TLN1: variants seen among roughly 807,000 people sequenced by gnomAD.
TLN1 encodes the protein talin 1.
A neutral mutation model predicts 292.3 loss-of-function variants in TLN1; 56 were observed. The observed-to-expected ratio is 0.19, with a 90% confidence interval of 0.15 to 0.24. The LOEUF is 0.24. Among genes scored for constraint, TLN1 ranks in the 10% least tolerant of loss-of-function variants. The pLI is 1.00. For missense variants in TLN1, 2,433 were observed against 3,248.2 expected, an observed-to-expected ratio of 0.75 and a Z score of 6.10; for synonymous variants, 1,119 against 1,253.7, an observed-to-expected ratio of 0.89 and a Z score of 2.27.
rs1825754374 is a variant in TLN1, at chr9:35,715,101, A to G, written c.2712T>C (p.Ala904=). 6.2e-7 allele frequency: 1 copy of G among 1,613,304 alleles called. No individual in the cohort carries two copies. Residue 904 remains alanine (A), a synonymous_variant, in exon 21 of 57, where the codon GCT becomes GCC. Coordinates refer to ENST00000314888, the MANE Select transcript of TLN1 (RefSeq NM_006289.4). ...AEGLRMATNA[A]AQNAIKKKLV... is the part of the protein sequence containing the mutation. ...GCTTTTTCTTGATGGCATTCTGCGC[A>G]GCTGCATTGGTGGCCATGCGCAGCC...
intron 27 of TLN1, among the ~76,000 whole-genome samples, 187 bp downstream of exon 27, chr9:35,712,648 C>CAAA: frequency 1.4e-5 from 1 of 72,194 alleles, no homozygotes; most frequent in Non-Finnish European, 2.6e-5. Flanking sequence ...AACTCTGTCT[C>CAAA]AAAAAAAAAA....
chr9:35,724,807 T>C lies in TLN1; in HGVS notation c.358+23A>G. 6.2e-7 allele frequency: 1 copy of C among 1,614,022 alleles called. No homozygotes were observed. The highest frequency in any genetic ancestry group is 8.5e-7 in the Non-Finnish European group (1 of 1,179,902). On this transcript the variant is annotated intron_variant, in intron 4 of 56. Coordinates refer to ENST00000314888, the MANE Select transcript of TLN1 (RefSeq NM_006289.4). This position sits in a 1 kb window ranked among gnomAD's most constrained non-coding sequence, Gnocchi z 4.7. ...AGTTGAGGCTTTCTGGCCCAGGCTT[T>C]CAACTGTACTAGGGCCCCTTACCAA... is the stretch of plus-strand genomic sequence containing the variant.
rs1367441476 is a variant in TLN1 at position 35,716,262 on chromosome 9, GCTC to G, written c.2625+125_2625+127del. On this transcript the variant is annotated intron_variant, in intron 20 of 56. Coordinates refer to ENST00000314888, the MANE Select transcript of TLN1 (RefSeq NM_006289.4). ...CTTGGGGCTCATTCATTTCCTGAGT[GCTC>G]CTATATTTGTCCTCTTGTGTTTTCT... is the stretch of plus-strand genomic sequence containing the variant. 8 of 1,023,028 alleles carry G rather than the reference GCTC, an allele frequency of 7.8e-6. No homozygotes were observed. In the East Asian group the frequency reaches 2.1e-4, roughly 27 times the overall value. The allele number at this position is 1,023,028 out of a possible 1,614,324, so 63.4% of individuals were successfully genotyped here. A position where few individuals can be genotyped will look rare whatever the true frequency, so the allele number is the denominator to read the frequency against.
Position 35,717,662 on chromosome 9 carries a change from G to A in TLN1, c.2120C>T (p.Thr707Ile). 6.2e-7 allele frequency: 1 copy of A among 1,614,134 alleles called. No individual in the cohort carries two copies. Among genetic ancestry groups the A allele is most frequent in the Non-Finnish European group, 8.5e-7 (1 of 1,179,988 alleles). The change falls in exon 18 of 57, where the codon ACA becomes ATA. Residue 707 changes from threonine (T) to isoleucine (I), a missense_variant. Physicochemically the swap from Thr to Ile is moderately conservative, Grantham distance 89. This residue lies in a region of TLN1 where 617 missense variants were observed against 770.6 expected (regional missense o/e 0.80). Transcript: ENST00000314888. The surrounding 1 kb of genome is among the most constrained non-coding windows in gnomAD (Gnocchi z 4.7). ...GLQTQVIAAA[T>I]QCALSTSQLV... ...TTGGGAAGTGGATAGGGCACACTGT[G>A]TTGCTGCAGCAATAACTTGGGTCTG...
At chr9:35,720,707 C>T (rs769787133) in intron 11 of TLN1, 105 bp downstream of exon 11, 235 of 1,182,002 alleles carry the variant, frequency 2.0e-4, no homozygotes, top group Non-Finnish European at 2.6e-4. Context: ...CTCATTGCAA[C>T]CTCCGCCTCC....
rs773071664 is a variant in TLN1 at position 35,710,642 on chromosome 9, C to T, written c.4245G>A (p.Lys1415=). 3 of 1,614,120 alleles carry T rather than the reference C, an allele frequency of 1.9e-6. No individual in the cohort carries two copies. Among genetic ancestry groups the T allele is most frequent in the Non-Finnish European group, 2.5e-6 (3 of 1,180,056 alleles). The change falls in exon 33 of 57, where the codon AAG becomes AAA. Residue 1415 remains lysine (K), a synonymous_variant. Coordinates refer to ENST00000314888, the MANE Select transcript of TLN1 (RefSeq NM_006289.4). ...EAMTGISQNA[K]NGNLPEFGDA... ...CTCCAAACTCTGGCAGGTTTCCGTT[C>T]TTGGCATTTTGGGAGATGCCAGTCA...
chr9:35,706,624 C>T lies in TLN1; in HGVS notation c.5089-73G>A. On this transcript the variant is annotated intron_variant, in intron 38 of 56. Transcript: ENST00000314888. The surrounding 1 kb of genome is among the most constrained non-coding windows in gnomAD (Gnocchi z 4.2). Reference sequence around the variant, plus strand: ...CCTCTGGCTACAAAGAACTGCTCTTCTGTCCATACCAAATACCCTAACCCT... The same window carrying T: ...CCTCTGGCTACAAAGAACTGCTCTTTTGTCCATACCAAATACCCTAACCCT... 6.3e-7 allele frequency: 1 copy of T among 1,593,040 alleles called. No individual in the cohort carries two copies. The highest frequency in any genetic ancestry group is 1.7e-4 in the Middle Eastern group (1 of 6,006).
In TLN1 at chr9:35,700,001, G is replaced by A; in HGVS notation, c.6741C>T (p.Tyr2247=). 1 of 1,613,228 alleles carries A rather than the reference G, an allele frequency of 6.2e-7. No individual in the cohort carries two copies. Among genetic ancestry groups the A allele is most frequent in the Non-Finnish European group, 8.5e-7 (1 of 1,179,472 alleles). ...GCAGTACATGGTCCAGCAGTTCCAG[G>A]TAGCCATTGGCACACTCCCGGCCAT... ...LHYGRECANG[Y]LELLDHVLLT... Residue 2247 remains tyrosine, a synonymous_variant, in exon 50 of 57, where the codon TAC becomes TAT. Transcript: ENST00000314888.
At position 35,721,934 on chromosome 9, in the gene TLN1, T is replaced by A; in HGVS notation, c.949-131A>T. On this transcript the variant is annotated intron_variant, in intron 9 of 56. Transcript: ENST00000314888. ...CTAACGGACAAGGGAAAATGCAGGGTAGGGAGGGAAGTGGTGGTGTAGGGC... is the reference window on the plus strand; with the variant it reads ...CTAACGGACAAGGGAAAATGCAGGGAAGGGAGGGAAGTGGTGGTGTAGGGC... The A allele has an allele frequency of 2.3e-6, 3 of 1,305,766 alleles. 1 individual carries two copies. Among genetic ancestry groups the A allele is most frequent in the Non-Finnish European group, 3.3e-6 (3 of 920,774 alleles). 80.9% of individuals were successfully genotyped at this position (1,305,766 alleles called of 1,614,324 possible).
rs750058471 is a variant in TLN1 at position 35,698,548 on chromosome 9, G to C, written c.7189-43C>G. On this transcript the variant is annotated intron_variant, in intron 54 of 56. Transcript: ENST00000314888. This position sits in a 1 kb window ranked among gnomAD's most constrained non-coding sequence, Gnocchi z 5.3. ...TGCTTAAAAATATGCCCCTTGCCCT[G>C]GTCCATCCCCACTCCAGCCTTCTCA... The C allele has an allele frequency of 8.7e-6, 14 of 1,613,732 alleles. No individual in the cohort carries two copies. Among genetic ancestry groups the C allele is most frequent in the Non-Finnish European group, 1.2e-5 (14 of 1,179,964 alleles).
chr9:35,712,174 A>T, intron 27 of TLN1, 50 bp from the exon 28 acceptor site: 1 of 1,580,750 alleles, frequency 6.3e-7, no homozygotes, highest in Non-Finnish European at 8.6e-7. Flanking sequence ...AATTTGAGAG[A>T]TCGCCTCCAT....
At position 35,714,869 on chromosome 9, in the gene TLN1, G is replaced by A; in HGVS notation, c.2762C>T (p.Ala921Val). The change falls in exon 22 of 57, where the codon GCC becomes GTC. Residue 921 changes from alanine to valine, a missense_variant. Ala to Val is a moderately conservative substitution (Grantham distance 64). Around this residue, in one of 7 missense-constraint regions of TLN1, gnomAD observed 617 missense variants for 770.6 expected, o/e 0.80. Coordinates refer to ENST00000314888, the MANE Select transcript of TLN1 (RefSeq NM_006289.4). The surrounding 1 kb of genome is among the most constrained non-coding windows in gnomAD (Gnocchi z 4.6). ...KKLVQRLEHA[A>V]KQAAASATQT... Reference sequence around the variant, plus strand: ...TGTGGCTGAGGCTGCAGCCTGCTTGGCTGCATGCTGTGAAGACAAGAGTAG... The same window carrying A: ...TGTGGCTGAGGCTGCAGCCTGCTTGACTGCATGCTGTGAAGACAAGAGTAG... 6.4e-7 allele frequency: 1 copy of A among 1,573,576 alleles called. No homozygotes were observed. Among genetic ancestry groups the A allele is most frequent in the Non-Finnish European group, 8.6e-7 (1 of 1,159,480 alleles).
At chr9:35,711,486 G>C (rs549907747) in intron 29 of TLN1, 92 bp from the exon 30 acceptor site, 1 of 1,605,020 alleles carries the variant, frequency 6.2e-7, no homozygotes, top group Non-Finnish European at 8.5e-7. Flanking sequence ...AGTAGTGCTA[G>C]AGACTGGGGA....
Position 35,719,340 on chromosome 9 carries a change from G to A in TLN1, c.1688-58C>T. The A allele has an allele frequency of 6.5e-7, 1 of 1,548,388 alleles. No individual in the cohort carries two copies. ...GACAGGGCAGGCCAGACGAAGGGCTGGGGAGGGAGCAAAGTCACACCCAGT... is the reference window on the plus strand; with the variant it reads ...GACAGGGCAGGCCAGACGAAGGGCTAGGGAGGGAGCAAAGTCACACCCAGT... On this transcript the variant is annotated intron_variant, in intron 15 of 56. Coordinates refer to ENST00000314888, the MANE Select transcript of TLN1 (RefSeq NM_006289.4). The surrounding 1 kb of genome is among the most constrained non-coding windows in gnomAD (Gnocchi z 4.6).
In TLN1 at chr9:35,714,991, C is replaced by G; in HGVS notation, c.2754+68G>C. 1.2e-6 allele frequency: 2 copies of G among 1,611,624 alleles called. No homozygotes were observed. Among genetic ancestry groups the G allele is most frequent in the Non-Finnish European group, 1.7e-6 (2 of 1,179,962 alleles). On this transcript the variant is annotated intron_variant, in intron 21 of 56. Coordinates refer to ENST00000314888, the MANE Select transcript of TLN1 (RefSeq NM_006289.4). The surrounding 1 kb of genome is among the most constrained non-coding windows in gnomAD (Gnocchi z 4.6). ...ACGTATTAACTTACTCTCCGCACCT[C>G]CCTTTCAGTTCATTCCTCCCACAGC...
chr9:35,704,551 A>G lies in TLN1; in HGVS notation c.5881-53T>C. The G allele has an allele frequency of 2.5e-6, 4 of 1,582,526 alleles. No individual in the cohort carries two copies. The East Asian group carries it at 9.0e-5, about 36-fold the overall frequency. ...GTGGAAGGTGCCATGTGAAATGGAA[A>G]GGTTGCCCATGCCTGGGAGAAGTGA... On this transcript the variant is annotated intron_variant, in intron 44 of 56. Coordinates refer to ENST00000314888, the MANE Select transcript of TLN1 (RefSeq NM_006289.4). The surrounding 1 kb of genome is among the most constrained non-coding windows in gnomAD (Gnocchi z 6.9).
Position 35,719,242 on chromosome 9 carries a change from T to C in TLN1, c.1728A>G (p.Ala576=). Residue 576 remains alanine, a synonymous_variant, in exon 16 of 57, where the codon GCA becomes GCG. Coordinates refer to ENST00000314888, the MANE Select transcript of TLN1 (RefSeq NM_006289.4). The surrounding 1 kb of genome is among the most constrained non-coding windows in gnomAD (Gnocchi z 4.6). The stretch of plus-strand genomic sequence containing the variant: ...TCAGGTTGGAGGAGATTGTGGTGAC[T>C]GCACAGCCCACTGCGGTATAGTCTG... ...AETDYTAVGC[A]VTTISSNLTE... 6.2e-7 allele frequency: 1 copy of C among 1,614,150 alleles called. No homozygotes were observed. Among genetic ancestry groups the C allele is most frequent in the Non-Finnish European group, 8.5e-7 (1 of 1,180,004 alleles).
Position 35,719,911 on chromosome 9 carries a change from T to A in TLN1, c.1465-58A>T. ...ATGGATGTTTGGAGAAAAGAGAAGG[T>A]AAAAGAGAACCAGGGTCTAGGGAGA... On this transcript the variant is annotated intron_variant, in intron 13 of 56. Transcript: ENST00000314888. The surrounding 1 kb of genome is among the most constrained non-coding windows in gnomAD (Gnocchi z 4.6). The A allele has an allele frequency of 6.4e-7, 1 of 1,570,296 alleles. No individual in the cohort carries two copies. Among genetic ancestry groups the A allele is most frequent in the Non-Finnish European group, 8.7e-7 (1 of 1,154,772 alleles).
chr9:35,710,621 A>T lies in TLN1; in HGVS notation c.4266T>A (p.Phe1422Leu). 6.2e-7 allele frequency: 1 copy of T among 1,614,228 alleles called. No homozygotes were observed. ...TTGAGGCTGTGGAAATGGCATCTCC[A>T]AACTCTGGCAGGTTTCCGTTCTTGG... ...QNAKNGNLPE[F>L]GDAISTASKA... The change falls in exon 33 of 57, where the codon TTT (phenylalanine) becomes TTA (leucine). Residue 1422 changes from phenylalanine to leucine, a missense_variant. Transcript: ENST00000314888.
Sources: gnomAD v4.1 joint callset for allele counts (sites outside exome capture counted in the v4.1 genomes callset) on GRCh38, gnomAD v4.1.1 for gene constraint, gnomAD v4.1.1 regional missense constraint, Gnocchi (gnomAD v3.1) non-coding constraint, MANE v1.5 for transcripts, NCBI Gene and HGNC (gene_info 2026-07-23, HGNC 2026-07-21) for gene names.